Variants in DGKB observed in about 807,000 individuals in gnomAD.
DGKB encodes the protein 90 kDa diacylglycerol kinase.
In DGKB, 67 loss-of-function variants were observed where a neutral mutation model predicts 114.3. The ratio of observed to expected loss-of-function variants is 0.59; its 90% CI spans 0.48 to 0.72. DGKB has a LOEUF of 0.72. Ranked by LOEUF, DGKB falls within the 30% of genes least tolerant of loss-of-function variation. The pLI, the probability that DGKB is intolerant of heterozygous loss-of-function variation, is 0.00. For synonymous variants in DGKB, 398 were observed against 323.1 expected, an observed-to-expected ratio of 1.23 and a Z score of -2.49; for missense variants, 907 against 975.2, an observed-to-expected ratio of 0.93 and a Z score of 0.93.
intron 1 of DGKB, among the ~76,000 whole-genome samples, chr7:14,884,655 C>A (rs1419848147): frequency 2.0e-5 from 3 of 151,872 alleles, no homozygotes; most frequent in African/African-American, 4.8e-5. Context: ...GAAAAATAAA[C>A]CCTCATCTCA....
chr7:14,932,954 G>C (rs1785101156), intron 1 of DGKB, among the ~76,000 whole-genome samples: 1 of 152,156 alleles, frequency 6.6e-6, no homozygotes, highest in Non-Finnish European at 1.5e-5. Context: ...AAATGGCACT[G>C]GAGCTGCTAC....
intron 5 of DGKB, among the ~76,000 whole-genome samples, chr7:14,720,473 T>TTGTG (rs61654464): frequency 0.023 from 3,172 of 136,470 alleles, 79 homozygotes; most frequent in African/African-American, 0.065. Context: ...CCCGGCTGAT[T>TTGTG]TGTGTGTGTG....
At chr7:14,698,209 C>A (rs1824426291) in intron 7 of DGKB, 40 bp from the exon 8 acceptor site, 1 of 1,259,416 alleles carries the variant, frequency 7.9e-7, no homozygotes, top group South Asian at 1.4e-5. Flanking sequence ...AATACAAGAT[C>A]TTAGTGAGTT....
chr7:14,567,458 AT>A (rs1454075882), intron 20 of DGKB, among the ~76,000 whole-genome samples: 1 of 70,710 alleles, frequency 1.4e-5, no homozygotes, highest in African/African-American at 5.9e-5. Flanking sequence ...ATTATATATA[AT>A]TATATATTTA....
intron 20 of DGKB, among the ~76,000 whole-genome samples, chr7:14,506,510 G>A (rs989468195): frequency 3.3e-5 from 5 of 152,110 alleles, no homozygotes; most frequent in Non-Finnish European, 7.4e-5. Flanking sequence ...GGCTAACTCT[G>A]GGAACTCAAG....
At chr7:14,692,122 A>T (rs1439418549) in intron 9 of DGKB, among the ~76,000 whole-genome samples, 1 of 151,978 alleles carries the variant, frequency 6.6e-6, no homozygotes, top group Non-Finnish European at 1.5e-5. Flanking sequence ...TTATAACTTC[A>T]CAAATATCTA....
intron 15 of DGKB, 176 bp downstream of exon 15, chr7:14,621,202 T>C (rs929559824): frequency 2.0e-6 from 1 of 509,998 alleles, no homozygotes; most frequent in African/African-American, 2.0e-5. Flanking sequence ...AGAATGTTAC[T>C]CTGTCAATCA....
chr7:14,177,582 TGGG>T (rs200863878), intron 24 of DGKB, among the ~76,000 whole-genome samples: 1,657 of 111,862 alleles, frequency 0.015, 55 homozygotes, highest in African/African-American at 0.051. Context: ...AAAAAAAAAT[TGGG>T]GGGAAATTTT....
chr7:14,860,530 T>C (rs1850821474), intron 1 of DGKB, among the ~76,000 whole-genome samples: 1 of 152,026 alleles, frequency 6.6e-6, no homozygotes, highest in Non-Finnish European at 1.5e-5. Flanking sequence ...GGTATTTTAC[T>C]GTAATTTCCC....
intron 21 of DGKB, among the ~76,000 whole-genome samples, chr7:14,397,714 C>T (rs557681165): frequency 3.3e-5 from 5 of 151,978 alleles, no homozygotes; most frequent in Admixed American, 2.0e-4. Flanking sequence ...TGTTTGGTTA[C>T]GTTTTGTTTC....
At chr7:14,722,243 T>C (rs913221202) in intron 5 of DGKB, among the ~76,000 whole-genome samples, 19 of 152,164 alleles carry the variant, frequency 1.2e-4, no homozygotes, top group Non-Finnish European at 2.9e-5. Flanking sequence ...CCCTAAAATA[T>C]TTCTACTCTG....
intron 23 of DGKB, among the ~76,000 whole-genome samples, chr7:14,220,849 T>A (rs377249125): frequency 6.6e-6 from 1 of 151,522 alleles, no homozygotes; most frequent in Non-Finnish European, 1.5e-5. Context: ...TTTTTTAAAA[T>A]TTTTAAAAAT....
At chr7:14,465,529 G>A (rs1833706005) in intron 21 of DGKB, among the ~76,000 whole-genome samples, 1 of 152,088 alleles carries the variant, frequency 6.6e-6, no homozygotes, top group Admixed American at 6.6e-5. Flanking sequence ...GTATTTGGGG[G>A]AACACAATAT....
intron 21 of DGKB, among the ~76,000 whole-genome samples, chr7:14,416,731 C>G (rs1344627047): frequency 6.6e-6 from 1 of 152,114 alleles, no homozygotes; most frequent in Non-Finnish European, 1.5e-5. Context: ...TCCATTAAAC[C>G]TCTTTTTCTT....
At chr7:14,490,032 C>T (rs530491604) in intron 20 of DGKB, among the ~76,000 whole-genome samples, 8 of 152,164 alleles carry the variant, frequency 5.3e-5, no homozygotes, top group Non-Finnish European at 7.4e-5. Context: ...AACTCAAGAA[C>T]GCCAACAGTA....
chr7:14,849,733 T>C (rs540906521), intron 1 of DGKB, among the ~76,000 whole-genome samples: 20 of 152,210 alleles, frequency 1.3e-4, no homozygotes, highest in Admixed American at 2.6e-4. Flanking sequence ...CAAATCTCCA[T>C]TCTCCTCCAG....
rs1310288871 is a variant in DGKB, at chr7:14,923,047, TCTAGAATTGCTGGG to T, written c.-188+51635_-188+51648del. Among the ~76,000 whole-genome samples, 3 of 152,162 alleles carry T rather than the reference TCTAGAATTGCTGGG, an allele frequency of 2.0e-5. No homozygotes were observed. The East Asian group carries it at 5.8e-4, about 29-fold the overall frequency. On this transcript the variant is annotated intron_variant, in intron 1 of 4. Coordinates refer to the DGKB transcript ENST00000437998. ...CACCACAGCTTCTGGTAACCATTCTTCTAGAATTGCTGGGTATCCAATTATAAACAGGTATTTTT... is the reference window on the plus strand; with the variant it reads ...CACCACAGCTTCTGGTAACCATTCTTTATCCAATTATAAACAGGTATTTTT...
intron 23 of DGKB, among the ~76,000 whole-genome samples, chr7:14,241,835 A>G (rs1793689221): frequency 6.6e-6 from 1 of 152,046 alleles, no homozygotes; most frequent in Admixed American, 6.6e-5. Flanking sequence ...ATTAATGATT[A>G]AATAAGAAAA....
At chr7:14,558,326 A>C (rs1796166601) in intron 20 of DGKB, among the ~76,000 whole-genome samples, 1 of 151,986 alleles carries the variant, frequency 6.6e-6, no homozygotes. Flanking sequence ...GAAAGTTTAT[A>C]AATCTTCTTC....
Sources: allele counts gnomAD v4.1 joint callset (sites outside exome capture counted in the v4.1 genomes callset), GRCh38; gene constraint gnomAD v4.1.1; transcripts MANE v1.5; gene names NCBI Gene and HGNC (gene_info 2026-07-23, HGNC 2026-07-21).